Variants in PIEZO2 observed in about 807,000 individuals in gnomAD.
PIEZO2 encodes piezo-type mechanosensitive ion channel component 2.
PIEZO2 carries 172 observed loss-of-function variants against 337.3 expected under a neutral mutation model. The observed-to-expected ratio is 0.51, with a 90% confidence interval of 0.45 to 0.58. PIEZO2 has a LOEUF of 0.58. Ranked by LOEUF, PIEZO2 falls within the 20% of genes least tolerant of loss-of-function variation. The probability of loss-of-function intolerance (pLI) is 0.00; values close to 1 mark genes in which losing one functional copy is unlikely to be tolerated. For missense variants in PIEZO2, 3,028 were observed against 3,391.3 expected (o/e 0.89, Z 2.66); for synonymous variants, 1,251 against 1,228.5 (o/e 1.02, Z -0.38).
At chr18:10,771,659 T>A (rs1169614086) in intron 20 of PIEZO2, among the ~76,000 whole-genome samples, 1 of 152,226 alleles carries the variant, frequency 6.6e-6, no homozygotes, top group Non-Finnish European at 1.5e-5. Context: ...TATCCATGGC[T>A]ATGCTTCCCA....
chr18:10,901,089 A>T (rs2043034882), intron 4 of PIEZO2, among the ~76,000 whole-genome samples: 1 of 152,244 alleles, frequency 6.6e-6, no homozygotes, highest in Admixed American at 6.5e-5. Flanking sequence ...TATCTGAAAG[A>T]CCTGAATTCT....
rs1408897174 is a variant in PIEZO2 at position 10,856,541 on chromosome 18, G to A, written c.703+460C>T. Among the ~76,000 whole-genome samples, 2 of 152,184 alleles carry A rather than the reference G, an allele frequency of 1.3e-5. No homozygotes were observed. The highest frequency in any genetic ancestry group is 4.8e-5 in the African/African-American group (2 of 41,446). On this transcript the variant is annotated intron_variant, in intron 6 of 55. Coordinates refer to ENST00000674853, the MANE Select transcript of PIEZO2 (RefSeq NM_001378183.1). The surrounding 1 kb of genome is among the most constrained non-coding windows in gnomAD (Gnocchi z 4.7). ...AAGGAAGTGAGCGTCTGTGCTGGAAGATTACAATCTAACTTAGGAAGAAAA... is the reference window on the plus strand; with the variant it reads ...AAGGAAGTGAGCGTCTGTGCTGGAAAATTACAATCTAACTTAGGAAGAAAA...
At chr18:10,970,664 A>T (rs201166544) in intron 3 of PIEZO2, among the ~76,000 whole-genome samples, 7,708 of 107,150 alleles carry the variant, frequency 0.072, 213 homozygotes, top group African/African-American at 0.13. Context: ...GATGTTTCAC[A>T]CACACACACA....
At position 10,800,478 on chromosome 18, in the gene PIEZO2, G is replaced by T; in HGVS notation, c.1240-3C>A. On this transcript the variant is annotated splice_polypyrimidine_tract_variant and splice_region_variant and intron_variant, in intron 10 of 55. Coordinates refer to ENST00000674853, the MANE Select transcript of PIEZO2 (RefSeq NM_001378183.1). ...CCGTTCACAGTCACCAGCAGGCCCTGCCGGGAGTGCAGAGAAAGGGACAAC... is the reference window on the plus strand; with the variant it reads ...CCGTTCACAGTCACCAGCAGGCCCTTCCGGGAGTGCAGAGAAAGGGACAAC... 1 of 1,525,492 alleles carries T rather than the reference G, an allele frequency of 6.6e-7. No individual in the cohort carries two copies. Among genetic ancestry groups the T allele is most frequent in the Non-Finnish European group, 8.8e-7 (1 of 1,141,898 alleles). The allele number at this position is 1,525,492 out of a possible 1,614,324, so 94.5% of individuals were successfully genotyped here.
intron 17 of PIEZO2, among the ~76,000 whole-genome samples, chr18:10,780,634 T>C (rs2144069209): frequency 6.6e-6 from 1 of 151,406 alleles, no homozygotes; most frequent in Admixed American, 6.6e-5. Flanking sequence ...ACACACTTTA[T>C]TACAAATTTG....
At chr18:10,787,638 G>C (rs750919674) in intron 15 of PIEZO2, among the ~76,000 whole-genome samples, 5 of 152,124 alleles carry the variant, frequency 3.3e-5, no homozygotes, top group African/African-American at 1.2e-4. Context: ...AAGACATCTC[G>C]TTTTACCGTA....
chr18:11,040,705 C>T lies in PIEZO2; in HGVS notation c.160+25422G>A, dbSNP rs139682881. Among the ~76,000 whole-genome samples, 415 of 152,254 alleles carry T rather than the reference C, an allele frequency of 2.7e-3. 1 individual carries two copies. The highest frequency in any genetic ancestry group is 7.9e-3 in the African/African-American group (329 of 41,536). On this transcript the variant is annotated intron_variant, in intron 2 of 55. Transcript: ENST00000674853. The stretch of plus-strand genomic sequence containing the variant: ...CCTCCTATCTTTTGGTCCTCGTCCC[C>T]ATAATTATCCTCAATGTGGGCGAAA...
At chr18:10,762,348 T>C (rs1314760491) in intron 23 of PIEZO2, among the ~76,000 whole-genome samples, 152 bp downstream of exon 23, 2 of 152,258 alleles carry the variant, frequency 1.3e-5, no homozygotes, top group African/African-American at 4.8e-5. Flanking sequence ...ATACTGATTT[T>C]AACACTTAGA....
chr18:11,020,935 C>T (rs938296579), intron 2 of PIEZO2, among the ~76,000 whole-genome samples: 3 of 152,176 alleles, frequency 2.0e-5, no homozygotes, highest in African/African-American at 7.2e-5. Flanking sequence ...CCCTCTCCCC[C>T]ATAAATCAAA....
At position 10,693,356 on chromosome 18, in the gene PIEZO2, TTGTG is replaced by T. The variant is rs1174582024; in HGVS notation, c.7191-1977_7191-1974del. ...TGCTTCTTGCTTTCCAATCTGGATT[TTGTG>T]TGTGTGTGTGTGTGTGTGTGTGTGT... On this transcript the variant is annotated intron_variant, in intron 47 of 55. Transcript: ENST00000674853. Among the ~76,000 whole-genome samples, 114 of 90,038 alleles carry T rather than the reference TTGTG, an allele frequency of 1.3e-3. 1 individual carries two copies. Among genetic ancestry groups the T allele is most frequent in the Non-Finnish European group, 1.8e-3 (65 of 36,610 alleles). The allele number at this position is 90,038 out of a possible 152,430, so 59.1% of individuals were successfully genotyped here. A position where few individuals can be genotyped will look rare whatever the true frequency, so the allele number is the denominator to read the frequency against.
Position 10,855,442 on chromosome 18 carries a change from A to T in PIEZO2, c.828T>A (p.Ala276=). 2.0e-6 allele frequency: 3 copies of T among 1,537,248 alleles called. No individual in the cohort carries two copies. Among genetic ancestry groups the T allele is most frequent in the East Asian group, 4.9e-5 (2 of 40,924 alleles). ...LLFSCLCVLL[A]IFTAGHLIGL... ...CAATCAAATGTCCAGCAGTGAAAAT[A>T]GCCAGCAGAACACAGAGACAGCTGA... Residue 276 remains alanine (A), a synonymous_variant, in exon 7 of 56, where the codon GCT becomes GCA. Coordinates refer to ENST00000674853, the MANE Select transcript of PIEZO2 (RefSeq NM_001378183.1). This position sits in a 1 kb window ranked among gnomAD's most constrained non-coding sequence, Gnocchi z 4.9.
At chr18:11,136,254 G>A (rs192649496) in intron 1 of PIEZO2, among the ~76,000 whole-genome samples, 68 of 152,336 alleles carry the variant, frequency 4.5e-4, no homozygotes, top group Middle Eastern at 6.8e-3. Context: ...TGGCAACCAC[G>A]ATGATGCTTT....
intron 2 of PIEZO2, among the ~76,000 whole-genome samples, chr18:11,053,421 A>C (rs1280263931): frequency 6.6e-6 from 1 of 152,198 alleles, no homozygotes; most frequent in Non-Finnish European, 1.5e-5. Context: ...TCAAATTAAT[A>C]ATGCTGTGCT....
In PIEZO2 at chr18:11,068,436, T is replaced by A. The variant is rs1452349037; in HGVS notation, c.65-2214A>T. Among the ~76,000 whole-genome samples the A allele has an allele frequency of 2.7e-5, 4 of 150,868 alleles. No individual in the cohort carries two copies. In the East Asian group the frequency reaches 5.8e-4, roughly 22 times the overall value. ...AACACGCTCCTAAACAGTCAATGAG[T>A]CAAAGAAGAAAGTAAGAAAGTAAAA... On this transcript the variant is annotated intron_variant, in intron 1 of 55. Transcript: ENST00000674853.
At chr18:10,927,720 C>T (rs1184304863) in intron 3 of PIEZO2, among the ~76,000 whole-genome samples, 1 of 151,892 alleles carries the variant, frequency 6.6e-6, no homozygotes, top group Non-Finnish European at 1.5e-5. Flanking sequence ...AAAGGTAAAG[C>T]GTTCTTAGAC....
At chr18:10,827,176 G>C (rs182770803) in intron 7 of PIEZO2, among the ~76,000 whole-genome samples, 35 of 152,266 alleles carry the variant, frequency 2.3e-4, no homozygotes, top group African/African-American at 8.4e-4. Context: ...ATACGAACAA[G>C]TTAAAGGAAG....
In PIEZO2 at chr18:10,696,600, A is replaced by G. The variant is rs997181797; in HGVS notation, c.6828-61T>C. 4.4e-6 allele frequency: 7 copies of G among 1,576,094 alleles called. No individual in the cohort carries two copies. The African/African-American group carries it at 6.7e-5, about 15-fold the overall frequency. On this transcript the variant is annotated intron_variant, in intron 45 of 55. Transcript: ENST00000674853. ...TTTCAGGAAGGGCAGGATGGCAGAA[A>G]TGACCAGACACTGCCATCATGCCAC...
intron 30 of PIEZO2, among the ~76,000 whole-genome samples, chr18:10,744,572 C>A (rs750273226): frequency 2.0e-5 from 3 of 152,192 alleles, no homozygotes; most frequent in Non-Finnish European, 4.4e-5. Flanking sequence ...GCATTCTCAC[C>A]TGACCTTATT....
At chr18:10,785,985 T>C (rs1020878085) in intron 16 of PIEZO2, among the ~76,000 whole-genome samples, 5 of 152,226 alleles carry the variant, frequency 3.3e-5, no homozygotes, top group African/African-American at 1.2e-4. Context: ...GTTCCTCTTA[T>C]GAACTGTGCC....
Sources: allele counts gnomAD v4.1 joint callset (sites outside exome capture counted in the v4.1 genomes callset), GRCh38; gene constraint gnomAD v4.1.1; non-coding constraint Gnocchi (gnomAD v3.1); transcripts MANE v1.5; gene names NCBI Gene and HGNC (gene_info 2026-07-23, HGNC 2026-07-21).